The following RDH10 variants were observed in gnomAD, a reference collection of about 807,000 sequenced individuals.
The protein encoded by RDH10 is retinol dehydrogenase 10 (all-trans).
RDH10 carries 12 observed loss-of-function variants against 30.2 expected under a neutral mutation model. That is an observed-to-expected ratio of 0.40 (90% confidence interval 0.25 to 0.64). The LOEUF (loss-of-function observed/expected upper bound fraction) is 0.64, where lower values mean the gene tolerates loss of function less well. RDH10 is among the 30% of genes least tolerant of loss of function. The probability of loss-of-function intolerance (pLI) is 0.43; values close to 1 mark genes in which losing one functional copy is unlikely to be tolerated. For synonymous variants in RDH10, 189 were observed against 172.2 expected (o/e 1.10, Z -0.76); for missense variants, 268 against 445.2 (o/e 0.60, Z 3.58).
At chr8:73,306,693 G>A (rs1177613780) in intron 2 of RDH10, among the ~76,000 whole-genome samples, 1 of 152,220 alleles carries the variant, frequency 6.6e-6, no homozygotes, top group African/African-American at 2.4e-5. Flanking sequence ...ATCACACAAA[G>A]ATGTGTGAAA....
intron 2 of RDH10, chr8:73,312,018 ATACT>A (rs1814572918): frequency 6.6e-6 from 1 of 152,278 alleles, no homozygotes; most frequent in Admixed American, 6.5e-5. Flanking sequence ...TTTTCAAATA[ATACT>A]TTCTGTGGTC....
chr8:73,295,337 G>C lies in RDH10; in HGVS notation c.48G>C (p.Trp16Cys). ...EFFVVTFKVL[W>C]AFVLAAARWL... The stretch of plus-strand genomic sequence containing the variant: ...TCGTGGTCACTTTCAAAGTGCTCTG[G>C]GCGTTCGTGCTGGCCGCGGCGCGCT... Residue 16 changes from tryptophan (W) to cysteine (C), a missense_variant, in exon 1 of 6, where the codon TGG becomes TGC. Around this residue, in one of 4 missense-constraint regions of RDH10, gnomAD observed 44 missense variants for 42.1 expected, o/e 1.04. Transcript: ENST00000240285. 6.4e-7 allele frequency: 1 copy of C among 1,564,310 alleles called. No homozygotes were observed.
chr8:73,306,911 G>A (rs1189532920), intron 2 of RDH10, among the ~76,000 whole-genome samples: 1 of 152,036 alleles, frequency 6.6e-6, no homozygotes, highest in East Asian at 1.9e-4. Flanking sequence ...TAAACACATG[G>A]GTATTTTGAG....
chr8:73,319,305 A>T, intron 3 of RDH10, 111 bp downstream of exon 3: 1 of 728,200 alleles, frequency 1.4e-6, no homozygotes, highest in Non-Finnish European at 2.4e-6. Flanking sequence ...AGCTGCACGA[A>T]GGCACTCTGC....
intron 2 of RDH10, chr8:73,300,303 T>C (rs77201607): frequency 6.6e-6 from 1 of 152,240 alleles, no homozygotes; most frequent in Non-Finnish European, 1.5e-5. Context: ...TACAGTGAAT[T>C]TTTTAACAGG....
chr8:73,297,315 C>T lies in RDH10; in HGVS notation c.411C>T (p.Gly137=), dbSNP rs976107149. Residue 137 remains glycine, a synonymous_variant, in exon 2 of 6, where the codon GGC becomes GGT. Transcript: ENST00000240285. ...CTGAAAGAGTCCGCAAGGAGGTTGG[C>T]GAAGTCTCAGTCCTGGTCAATAATG... is the stretch of plus-strand genomic sequence containing the variant. ...LTAERVRKEV[G]EVSVLVNNAG... is the part of the protein sequence containing the mutation. 4.3e-6 allele frequency: 7 copies of T among 1,613,870 alleles called. No homozygotes were observed. The highest frequency in any genetic ancestry group is 1.3e-5 in the African/African-American group (1 of 74,918).
chr8:73,305,066 T>G (rs1449709241), intron 2 of RDH10, among the ~76,000 whole-genome samples: 1 of 152,262 alleles, frequency 6.6e-6, no homozygotes, highest in African/African-American at 2.4e-5. Context: ...AGTGGAAGCA[T>G]TGTGTAGCCT....
rs867212084 is a variant in RDH10 at position 73,295,314 on chromosome 8, G to C, written c.25G>C (p.Val9Leu). The C allele has an allele frequency of 3.8e-6, 6 of 1,566,696 alleles. No individual in the cohort carries two copies. In the African/African-American group the frequency reaches 4.1e-5, roughly 11 times the overall value. ...GATGAACATCGTGGTGGAGTTCTTC[G>C]TGGTCACTTTCAAAGTGCTCTGGGC... MNIVVEFF[V>L]VTFKVLWAFV... Residue 9 changes from valine (V) to leucine (L), a missense_variant, in exon 1 of 6, where the codon GTG (valine) becomes CTG (leucine). Val to Leu is a conservative substitution (Grantham distance 32). Around this residue, in one of 4 missense-constraint regions of RDH10, gnomAD observed 44 missense variants for 42.1 expected, o/e 1.04. Coordinates refer to ENST00000240285, the MANE Select transcript of RDH10 (RefSeq NM_172037.5).
At chr8:73,308,444 C>T (rs1814500461) in intron 2 of RDH10, among the ~76,000 whole-genome samples, 1 of 152,150 alleles carries the variant, frequency 6.6e-6, no homozygotes, top group African/African-American at 2.4e-5. Context: ...TTCTCACAGG[C>T]TTACCATAGT....
chr8:73,299,369 CTT>C (rs1814338116), intron 2 of RDH10, among the ~76,000 whole-genome samples: 1 of 152,158 alleles, frequency 6.6e-6, no homozygotes, highest in South Asian at 2.1e-4. Flanking sequence ...ACCAAATAAA[CTT>C]GACATAGAAT....
intron 4 of RDH10, 34 bp from the exon 5 acceptor site, chr8:73,322,644 AT>A: frequency 6.4e-7 from 1 of 1,560,508 alleles, no homozygotes; most frequent in Non-Finnish European, 8.8e-7. Flanking sequence ...TATTGTGTTA[AT>A]TTTTCATTTT....
chr8:73,298,300 CT>C (rs907894509), intron 2 of RDH10, among the ~76,000 whole-genome samples: 1 of 151,538 alleles, frequency 6.6e-6, no homozygotes, highest in Non-Finnish European at 1.5e-5. Flanking sequence ...TAGGATTCTA[CT>C]TTTTTTTTCC....
intron 2 of RDH10, among the ~76,000 whole-genome samples, chr8:73,302,284 C>G (rs1814392879): frequency 6.6e-6 from 1 of 152,254 alleles, no homozygotes; most frequent in East Asian, 1.9e-4. Flanking sequence ...TGTGAAACAC[C>G]CAGTACAAGA....
rs181834479 is a variant in RDH10, at chr8:73,305,411, T to C, written c.525+7982T>C. On this transcript the variant is annotated intron_variant, in intron 2 of 5. Coordinates refer to ENST00000240285, the MANE Select transcript of RDH10 (RefSeq NM_172037.5). ...CTTTACATTTAAGTTTTGTCTTGAG[T>C]TGAGAAATATTAATAGCAAATTCAT... Among the ~76,000 whole-genome samples, 415 of 152,332 alleles carry C rather than the reference T, an allele frequency of 2.7e-3. 2 individuals carry two copies. Among genetic ancestry groups the C allele is most frequent in the African/African-American group, 9.4e-3 (391 of 41,572 alleles).
intron 2 of RDH10, among the ~76,000 whole-genome samples, chr8:73,313,786 A>G (rs1353356885): frequency 6.6e-6 from 1 of 152,118 alleles, no homozygotes; most frequent in Non-Finnish European, 1.5e-5. Flanking sequence ...ATAGAGTGCA[A>G]TTCTCTGACT....
chr8:73,315,811 C>CG (rs1335650079), intron 2 of RDH10, among the ~76,000 whole-genome samples: 2 of 152,136 alleles, frequency 1.3e-5, no homozygotes, highest in Non-Finnish European at 2.9e-5. Context: ...ATATTGAGTC[C>CG]TTATACTTTA....
rs1300354084 is a variant in RDH10, at chr8:73,315,686, C to G, written c.526-3410C>G. On this transcript the variant is annotated intron_variant, in intron 2 of 5. Coordinates refer to ENST00000240285, the MANE Select transcript of RDH10 (RefSeq NM_172037.5). ...ATGGTGTCTGAGTTTCTAGTCAGAG[C>G]CAGCCGCTGGCTGGAGTTAGAGTGG... 9.5e-6 allele frequency: 4 copies of G among 419,902 alleles called. No homozygotes were observed. The East Asian group carries it at 2.9e-4, about 30-fold the overall frequency. The allele number at this position is 419,902 out of a possible 1,614,324, so 26.0% of individuals were successfully genotyped here.
intron 2 of RDH10, chr8:73,313,545 G>C (rs1426029343): frequency 6.6e-6 from 1 of 151,892 alleles, no homozygotes; most frequent in Non-Finnish European, 1.5e-5. Context: ...AATTAATCAT[G>C]GTAGTCAAAG....
intron 2 of RDH10, chr8:73,312,323 A>T (rs1814577561): frequency 1.3e-5 from 2 of 152,224 alleles, no homozygotes; most frequent in African/African-American, 2.4e-5. Flanking sequence ...GCTTTTTTGA[A>T]TTGATCACAG....
Sources: gnomAD v4.1 joint callset for allele counts (sites outside exome capture counted in the v4.1 genomes callset) on GRCh38, gnomAD v4.1.1 for gene constraint, gnomAD v4.1.1 regional missense constraint, MANE v1.5 for transcripts, NCBI Gene and HGNC (gene_info 2026-07-23, HGNC 2026-07-21) for gene names.